CFAP299: variants seen among roughly 807,000 people sequenced by gnomAD.
CFAP299 encodes the protein cilia- and flagella-associated protein 299.
CFAP299 carries 21 observed loss-of-function variants against 27.0 expected under a neutral mutation model. The ratio of observed to expected loss-of-function variants is 0.78; its 90% CI spans 0.55 to 1.12. CFAP299 has a LOEUF of 1.12. Ranked by LOEUF, CFAP299 falls within the 50% of genes most tolerant of loss-of-function variation. The pLI, the probability that CFAP299 is intolerant of heterozygous loss-of-function variation, is 0.00. For synonymous variants in CFAP299, 104 were observed against 98.1 expected, an observed-to-expected ratio of 1.06 and a Z score of -0.36; for missense variants, 310 against 276.6, an observed-to-expected ratio of 1.12 and a Z score of -0.86.
intron 3 of CFAP299, among the ~76,000 whole-genome samples, chr4:80,723,453 A>G (rs537897374): frequency 7.5e-4 from 114 of 152,314 alleles, no homozygotes; most frequent in African/African-American, 2.5e-3. Context: ...CAAAACGATT[A>G]TGCTGAGTAA....
chr4:80,513,563 T>C (rs1305066909), intron 2 of CFAP299, among the ~76,000 whole-genome samples: 4 of 152,128 alleles, frequency 2.6e-5, no homozygotes, highest in Admixed American at 6.6e-5. Context: ...AAATGAACGT[T>C]TGGAAGCTAT....
At chr4:80,502,500 T>C (rs1045625681) in intron 2 of CFAP299, among the ~76,000 whole-genome samples, 4 of 152,122 alleles carry the variant, frequency 2.6e-5, no homozygotes, top group African/African-American at 4.8e-5. Context: ...TAAGAAATGG[T>C]AAGTAAGAGT....
intron 5 of CFAP299, among the ~76,000 whole-genome samples, chr4:80,948,905 G>A (rs932728017): frequency 6.6e-6 from 1 of 152,020 alleles, no homozygotes. Flanking sequence ...ATTTGATATA[G>A]CAGTGATAGC....
chr4:80,686,243 A>C, intron 3 of CFAP299, among the ~76,000 whole-genome samples: 1 of 152,286 alleles, frequency 6.6e-6, no homozygotes, highest in Middle Eastern at 3.4e-3. Context: ...GCAATTGCTC[A>C]TGAATTCTGT....
chr4:80,542,420 G>A (rs1455108295), intron 2 of CFAP299, among the ~76,000 whole-genome samples: 1 of 152,154 alleles, frequency 6.6e-6, no homozygotes, highest in Non-Finnish European at 1.5e-5. Context: ...GACCATCTGA[G>A]AGAACCCACT....
chr4:80,766,161 A>C (rs1441798515), intron 3 of CFAP299, among the ~76,000 whole-genome samples: 1 of 152,108 alleles, frequency 6.6e-6, no homozygotes, highest in Non-Finnish European at 1.5e-5. Context: ...GACAAAAAGA[A>C]AATCTTTAAA....
At chr4:80,764,735 A>T (rs1364169330) in intron 3 of CFAP299, among the ~76,000 whole-genome samples, 1 of 152,226 alleles carries the variant, frequency 6.6e-6, no homozygotes, top group Non-Finnish European at 1.5e-5. Context: ...AAAATGTGGC[A>T]CATATCCACC....
At position 80,915,888 on chromosome 4, in the gene CFAP299, C is replaced by T. The variant is rs187720980; in HGVS notation, c.477-28922C>T. ...CATATAAATTTTTTAGCATATTTAT[C>T]AAATATATATTAGGTGTTTTACATT... On this transcript the variant is annotated intron_variant, in intron 4 of 5. Transcript: ENST00000358105. 7.6e-4 allele frequency among the ~76,000 whole-genome samples: 115 copies of T among 152,072 alleles called. 2 individuals carry two copies. In the East Asian group the frequency reaches 0.021, roughly 27 times the overall value.
chr4:80,613,823 G>T (rs976503152), intron 3 of CFAP299, among the ~76,000 whole-genome samples: 2 of 152,136 alleles, frequency 1.3e-5, no homozygotes, highest in African/African-American at 4.8e-5. Flanking sequence ...CAATTCATTT[G>T]TACTTGCAAA....
chr4:80,884,104 A>G (rs1245507497), intron 4 of CFAP299, among the ~76,000 whole-genome samples: 2 of 152,176 alleles, frequency 1.3e-5, no homozygotes, highest in Non-Finnish European at 1.5e-5. Context: ...ACATATAAGT[A>G]AGAACATGAG....
chr4:80,454,227 T>C (rs942779337), intron 2 of CFAP299, among the ~76,000 whole-genome samples: 11 of 152,022 alleles, frequency 7.2e-5, no homozygotes, highest in Non-Finnish European at 1.2e-4. Flanking sequence ...ACTCAAGACT[T>C]AGGAATGCCA....
intron 3 of CFAP299, among the ~76,000 whole-genome samples, chr4:80,799,191 T>A (rs1458299265): frequency 1.7e-5 from 2 of 119,504 alleles, no homozygotes; most frequent in Non-Finnish European, 1.6e-5. Context: ...ATAAATATAT[T>A]TATATAATAT....
Position 80,621,382 on chromosome 4 carries a change from T to C in CFAP299, c.333+38199T>C, listed in dbSNP as rs960014978. Among the ~76,000 whole-genome samples the C allele has an allele frequency of 2.6e-5, 4 of 152,174 alleles. No individual in the cohort carries two copies. The South Asian group carries it at 8.3e-4, about 31-fold the overall frequency. ...CTACCAATAGTTACAGACAAAGTTATTGTCTCCCTCAAATATTTTCATACC... is the reference window on the plus strand; with the variant it reads ...CTACCAATAGTTACAGACAAAGTTACTGTCTCCCTCAAATATTTTCATACC... On this transcript the variant is annotated intron_variant, in intron 3 of 5. Transcript: ENST00000358105.
chr4:80,609,496 A>T (rs1174823127), intron 3 of CFAP299, among the ~76,000 whole-genome samples: 2 of 152,040 alleles, frequency 1.3e-5, no homozygotes. Context: ...TTATTTAGAT[A>T]TGTCTCTTTA....
chr4:80,862,370 G>A lies in CFAP299; in HGVS notation c.334-7623G>A, dbSNP rs574310829. ...GGGCAGCAGAGCCAGACTCCATCTC[G>A]AAAAATATAGTAAATAAATAAATAA... is the stretch of plus-strand genomic sequence containing the variant. On this transcript the variant is annotated intron_variant, in intron 3 of 5. Coordinates refer to ENST00000358105, the MANE Select transcript of CFAP299 (RefSeq NM_152770.3). Among the ~76,000 whole-genome samples, 7 of 151,482 alleles carry A rather than the reference G, an allele frequency of 4.6e-5. 1 individual carries two copies. In the East Asian group the frequency reaches 7.8e-4, roughly 17 times the overall value.
At chr4:80,710,490 T>G (rs1353012897) in intron 3 of CFAP299, among the ~76,000 whole-genome samples, 9 of 113,606 alleles carry the variant, frequency 7.9e-5, no homozygotes, top group Admixed American at 6.5e-4. Context: ...TTTCTTTTTT[T>G]TTTTTTTTTT....
chr4:80,815,313 A>ATT (rs906656743), intron 3 of CFAP299, among the ~76,000 whole-genome samples: 3 of 151,954 alleles, frequency 2.0e-5, no homozygotes, highest in Admixed American at 1.3e-4. Flanking sequence ...GTATATATAT[A>ATT]TTCAGCTTAT....
At chr4:80,654,601 T>C (rs1401233489) in intron 3 of CFAP299, among the ~76,000 whole-genome samples, 1 of 152,080 alleles carries the variant, frequency 6.6e-6, no homozygotes, top group Non-Finnish European at 1.5e-5. Context: ...TCAATATTCA[T>C]TATTCTAAGC....
chr4:80,704,795 G>A (rs1721726211), intron 3 of CFAP299, among the ~76,000 whole-genome samples: 1 of 151,722 alleles, frequency 6.6e-6, no homozygotes, highest in African/African-American at 2.4e-5. Context: ...CACTTTTGGA[G>A]GTTTCAGACA....
Sources: allele counts gnomAD v4.1 joint callset (sites outside exome capture counted in the v4.1 genomes callset), GRCh38; gene constraint gnomAD v4.1.1; transcripts MANE v1.5; gene names NCBI Gene and HGNC (gene_info 2026-07-23, HGNC 2026-07-21).